UNK: variants seen among roughly 807,000 people sequenced by gnomAD.
UNK encodes RING finger protein unkempt homolog.
UNK carries 32 observed loss-of-function variants against 97.6 expected under a neutral mutation model. The ratio of observed to expected loss-of-function variants is 0.33; its 90% confidence interval spans 0.25 to 0.44. The LOEUF (loss-of-function observed/expected upper bound fraction) is 0.44, where lower values mean the gene tolerates loss of function less well. Among genes scored for constraint, UNK ranks in the 20% least tolerant of loss-of-function variants. The pLI, the probability that UNK is intolerant of heterozygous loss-of-function variation, is 1.00. For synonymous variants in UNK, 441 were observed against 461.2 expected (o/e 0.96, Z 0.56); for missense variants, 771 against 1,098.4 (o/e 0.70, Z 4.21).
At chr17:75,800,031 A>C (rs1159479894) in intron 1 of UNK, among the ~76,000 whole-genome samples, 3 of 152,186 alleles carry the variant, frequency 2.0e-5, no homozygotes, top group African/African-American at 7.2e-5. Context: ...TGCCAAATCC[A>C]GCCTGCTGCC....
At chr17:75,791,649 G>C in intron 1 of UNK, 1 of 746,804 alleles carries the variant, frequency 1.3e-6, no homozygotes, top group Non-Finnish European at 1.6e-6. Context: ...AGTGTTAAGT[G>C]CCCTTGCTAA....
In UNK at chr17:75,816,303, T is replaced by C. The variant is rs1275853645; in HGVS notation, c.962-467T>C. The stretch of plus-strand genomic sequence containing the variant: ...CCAGGCTCAGGCCCTATCTCTGAGA[T>C]GAGAATGGAAAATAAATCGAGGGCC... On this transcript the variant is annotated intron_variant, in intron 7 of 15. Coordinates refer to ENST00000589666, the MANE Select transcript of UNK (RefSeq NM_001080419.3). The surrounding 1 kb of genome is among the most constrained non-coding windows in gnomAD (Gnocchi z 4.0). Among the ~76,000 whole-genome samples, 1 of 152,124 alleles carries C rather than the reference T, an allele frequency of 6.6e-6. No individual in the cohort carries two copies. Among genetic ancestry groups the C allele is most frequent in the Non-Finnish European group, 1.5e-5 (1 of 68,018 alleles).
Position 75,807,675 on chromosome 17 carries a change from G to C in UNK, c.105-2085G>C, listed in dbSNP as rs544460806. ...TCACCAGGTTGGCCAGGATGGTCTCGATCTGTTGACCTTGTGATCTGCCCG... is the reference window on the plus strand; with the variant it reads ...TCACCAGGTTGGCCAGGATGGTCTCCATCTGTTGACCTTGTGATCTGCCCG... On this transcript the variant is annotated intron_variant, in intron 1 of 15. Transcript: ENST00000589666. 1.6e-3 allele frequency among the ~76,000 whole-genome samples: 237 copies of C among 152,248 alleles called. 1 individual carries two copies. The highest frequency in any genetic ancestry group is 5.5e-3 in the African/African-American group (230 of 41,534).
intron 4 of UNK, 118 bp downstream of exon 4, chr17:75,812,703 T>A (rs1402763643): frequency 1.4e-6 from 2 of 1,420,986 alleles, no homozygotes; most frequent in Non-Finnish European, 1.9e-6. Context: ...CTGGCCCGCA[T>A]CCCACCCTAC....
intron 1 of UNK, among the ~76,000 whole-genome samples, chr17:75,786,631 G>A (rs544060452): frequency 7.0e-4 from 106 of 152,300 alleles, no homozygotes; most frequent in South Asian, 1.2e-3. Flanking sequence ...GGCCGAGGCG[G>A]ATCGCATGAG....
At position 75,823,328 on chromosome 17, in the gene UNK, G is replaced by A. The variant is rs774346420; in HGVS notation, c.2083G>A (p.Glu695Lys). ...AGERASAAGA[E>K]CELAREQRDA... ...TGAGCGGGCCAGTGCGGCGGGCGCC[G>A]AGTGCGAGCTGGCCCGGGAGCAGCG... Residue 695 changes from glutamate (E) to lysine (K), a missense_variant, in exon 15 of 16, where the codon GAG (glutamate) becomes AAG (lysine). Physicochemically the swap from Glu to Lys is moderately conservative, Grantham distance 56 (BLOSUM62 1). Coordinates refer to ENST00000589666, the MANE Select transcript of UNK (RefSeq NM_001080419.3). The A allele has an allele frequency of 3.7e-6, 6 of 1,610,994 alleles. No homozygotes were observed. The highest frequency in any genetic ancestry group is 3.4e-6 in the Non-Finnish European group (4 of 1,178,900).
chr17:75,789,485 C>T (rs564999179), intron 1 of UNK, among the ~76,000 whole-genome samples: 2 of 152,074 alleles, frequency 1.3e-5, no homozygotes, highest in South Asian at 2.1e-4. Context: ...TACAGGCGCC[C>T]GCCACCATGC....
Position 75,788,195 on chromosome 17 carries a change from T to TG in UNK, c.104+3211_104+3212insG, listed in dbSNP as rs1287325046. Among the ~76,000 whole-genome samples, 21 of 151,406 alleles carry TG rather than the reference T, an allele frequency of 1.4e-4. No individual in the cohort carries two copies. The East Asian group carries it at 1.5e-3, about 11-fold the overall frequency. On this transcript the variant is annotated intron_variant, in intron 1 of 15. Coordinates refer to ENST00000589666, the MANE Select transcript of UNK (RefSeq NM_001080419.3). ...TGTCAATTTTTTCTTTTTTTTTTTTTTGGAGACAAAGTCTCACTCTGTTGC... is the reference window on the plus strand; with the variant it reads ...TGTCAATTTTTTCTTTTTTTTTTTTTGTGGAGACAAAGTCTCACTCTGTTGC...
chr17:75,814,978 G>C lies in UNK; in HGVS notation c.877-191G>C, dbSNP rs569321137. ...AGAACGGAGGCTGTCAGTGACAATG[G>C]GGAGTGGTGGTGGGCTGCCTCAGGA... On this transcript the variant is annotated intron_variant, in intron 6 of 15. Transcript: ENST00000589666. Among the ~76,000 whole-genome samples, 3 of 152,288 alleles carry C rather than the reference G, an allele frequency of 2.0e-5. No individual in the cohort carries two copies. The East Asian group carries it at 5.8e-4, about 29-fold the overall frequency.
At chr17:75,799,575 CT>C (rs1440825911) in intron 1 of UNK, among the ~76,000 whole-genome samples, 5 of 152,158 alleles carry the variant, frequency 3.3e-5, no homozygotes, top group African/African-American at 1.2e-4. Context: ...ACTTGGGGTG[CT>C]TTTTGCTTTT....
At chr17:75,805,299 G>A (rs1287141293) in intron 1 of UNK, among the ~76,000 whole-genome samples, 35 of 151,298 alleles carry the variant, frequency 2.3e-4, no homozygotes, top group Admixed American at 2.2e-3. Flanking sequence ...CTGGGAGGCT[G>A]AAGTGGGAGG....
At chr17:75,809,614 T>C in intron 1 of UNK, 146 bp from the exon 2 acceptor site, 1 of 831,624 alleles carries the variant, frequency 1.2e-6, no homozygotes, top group South Asian at 1.7e-5. Flanking sequence ...GGTGTAGCCT[T>C]ACAGCTCTGG....
chr17:75,823,983 C>T (rs2062094514), intron 15 of UNK, among the ~76,000 whole-genome samples: 1 of 152,220 alleles, frequency 6.6e-6, no homozygotes, highest in South Asian at 2.1e-4. Context: ...ATGTCCCAGC[C>T]CTTTCTGGGC....
chr17:75,789,109 A>ATT (rs544737754), intron 1 of UNK, among the ~76,000 whole-genome samples: 2 of 150,430 alleles, frequency 1.3e-5, no homozygotes, highest in African/African-American at 4.9e-5. Flanking sequence ...AATTTTGTTG[A>ATT]TTTTTTTTTT....
rs536186572 is a variant in UNK at position 75,797,424 on chromosome 17, G to A, written c.105-12336G>A. Among the ~76,000 whole-genome samples, 8 of 152,318 alleles carry A rather than the reference G, an allele frequency of 5.3e-5. No homozygotes were observed. The East Asian group carries it at 1.3e-3, about 26-fold the overall frequency. On this transcript the variant is annotated intron_variant, in intron 1 of 15. Transcript: ENST00000589666. ...TAATTTTTGTATTTTTAGTAGAGAT[G>A]GGGTTTCCCCATGTTGGCTAGGCTG... is the stretch of plus-strand genomic sequence containing the variant.
At chr17:75,787,437 A>G (rs952506192) in intron 1 of UNK, among the ~76,000 whole-genome samples, 7 of 150,856 alleles carry the variant, frequency 4.6e-5, no homozygotes, top group Non-Finnish European at 1.0e-4. Context: ...AACTCCTGTG[A>G]TCGAGCAGGC....
At chr17:75,803,551 A>G (rs1401300516) in intron 1 of UNK, among the ~76,000 whole-genome samples, 1 of 152,216 alleles carries the variant, frequency 6.6e-6, no homozygotes, top group African/African-American at 2.4e-5. Context: ...GAATAATTGG[A>G]CAAATTTACA....
At chr17:75,792,912 G>C (rs919875265) in intron 1 of UNK, among the ~76,000 whole-genome samples, 22 of 152,352 alleles carry the variant, frequency 1.4e-4, no homozygotes, top group African/African-American at 5.1e-4. Context: ...CTATTGCCAA[G>C]GCTCAGCAAC....
Position 75,818,613 on chromosome 17 carries a change from T to G in UNK, c.1372-29T>G, listed in dbSNP as rs1206242282. ...TGGCCTCCGTATGCAGGCCTACCAT[T>G]GCTTCTCCTCTTCCCTCTCTCGTTG... On this transcript the variant is annotated intron_variant, in intron 10 of 15. Coordinates refer to ENST00000589666, the MANE Select transcript of UNK (RefSeq NM_001080419.3). The surrounding 1 kb of genome is among the most constrained non-coding windows in gnomAD (Gnocchi z 5.1). 2 of 1,564,908 alleles carry G rather than the reference T, an allele frequency of 1.3e-6. No individual in the cohort carries two copies. The highest frequency in any genetic ancestry group is 1.7e-6 in the Non-Finnish European group (2 of 1,152,372).
Sources: allele counts gnomAD v4.1 joint callset (sites outside exome capture counted in the v4.1 genomes callset), GRCh38; gene constraint gnomAD v4.1.1; non-coding constraint Gnocchi (gnomAD v3.1); transcripts MANE v1.5; gene names NCBI Gene and HGNC (gene_info 2026-07-23, HGNC 2026-07-21).